The following BCL11B variants were observed in gnomAD, a reference collection of about 807,000 sequenced individuals.
BCL11B encodes the protein B-cell lymphoma/leukemia 11B.
BCL11B carries 8 observed loss-of-function variants against 49.9 expected under a neutral mutation model. That is an observed-to-expected ratio of 0.16 (90% CI 0.09 to 0.29). BCL11B has a LOEUF of 0.29. BCL11B is among the 10% of genes least tolerant of loss of function. BCL11B has a pLI of 1.00. For synonymous variants in BCL11B, 739 were observed against 637.4 expected (o/e 1.16, Z -2.40); for missense variants, 1,006 against 1,351.0 (o/e 0.74, Z 4.00).
In BCL11B at chr14:99,227,855, C is replaced by T. The variant is rs184399825; in HGVS notation, c.640+3490G>A. 4.7e-4 allele frequency among the ~76,000 whole-genome samples: 72 copies of T among 152,188 alleles called. 1 individual carries two copies. In the East Asian group the frequency reaches 4.8e-3, roughly 10 times the overall value. On this transcript the variant is annotated intron_variant, in intron 3 of 3. Transcript: ENST00000357195. ...GGGAAGAAATTTCAGTTCCCAGGAA[C>T]GCCTAGACTCAAAGCCCCACCTTCC...
In BCL11B at chr14:99,179,113, G is replaced by A. The variant is rs191378749; in HGVS notation, c.641-2918C>T. 2.8e-3 allele frequency among the ~76,000 whole-genome samples: 434 copies of A among 152,354 alleles called. 2 individuals carry two copies. The highest frequency in any genetic ancestry group is 9.2e-3 in the African/African-American group (381 of 41,572). Reference sequence around the variant, plus strand: ...ACAGGTTTTTCAACTCAAAAGGGCAGTTACTGGAAGTCAGGTAGCTACAAG... The same window carrying A: ...ACAGGTTTTTCAACTCAAAAGGGCAATTACTGGAAGTCAGGTAGCTACAAG... On this transcript the variant is annotated intron_variant, in intron 3 of 3. Coordinates refer to ENST00000357195, the MANE Select transcript of BCL11B (RefSeq NM_138576.4).
At chr14:99,256,746 T>TA (rs1864039316) in intron 2 of BCL11B, among the ~76,000 whole-genome samples, 1 of 152,072 alleles carries the variant, frequency 6.6e-6, no homozygotes, top group Admixed American at 6.5e-5. Flanking sequence ...CTCAAGGTGG[T>TA]AAAACCAGCT....
At chr14:99,255,689 G>A (rs568540939) in intron 2 of BCL11B, among the ~76,000 whole-genome samples, 5 of 152,302 alleles carry the variant, frequency 3.3e-5, no homozygotes, top group Admixed American at 3.3e-4. Context: ...GATGTGCACT[G>A]AGGCCAGGCG....
At chr14:99,263,567 G>A (rs1889398916) in intron 1 of BCL11B, among the ~76,000 whole-genome samples, 2 of 152,220 alleles carry the variant, frequency 1.3e-5, no homozygotes, top group Non-Finnish European at 2.9e-5. Context: ...CGGGAAAGTC[G>A]AATGTTTGGG....
chr14:99,260,831 T>C lies in BCL11B; in HGVS notation c.59-2992A>G, dbSNP rs1889314411. Among the ~76,000 whole-genome samples, 6 of 152,052 alleles carry C rather than the reference T, an allele frequency of 3.9e-5. No homozygotes were observed. The South Asian group carries it at 1.2e-3, about 32-fold the overall frequency. ...GTCAAGTCCTAACAGCCAACCAACC[T>C]GGGAGCCAGGCCCTGTTGGCGTCCC... On this transcript the variant is annotated intron_variant, in intron 1 of 3. Coordinates refer to ENST00000357195, the MANE Select transcript of BCL11B (RefSeq NM_138576.4).
intron 3 of BCL11B, among the ~76,000 whole-genome samples, chr14:99,223,133 G>A (rs1245560161): frequency 6.6e-6 from 1 of 152,158 alleles, no homozygotes; most frequent in Non-Finnish European, 1.5e-5. Flanking sequence ...ACTATCAATG[G>A]GAGTTAGAAG....
intron 3 of BCL11B, among the ~76,000 whole-genome samples, chr14:99,197,989 C>T (rs1887227080): frequency 2.0e-5 from 3 of 152,332 alleles, no homozygotes; most frequent in Admixed American, 2.0e-4. Context: ...GGAAGCTATC[C>T]ATCACAGCTG....
At chr14:99,190,217 G>A (rs1886981368) in intron 3 of BCL11B, among the ~76,000 whole-genome samples, 1 of 97,314 alleles carries the variant, frequency 1.0e-5, no homozygotes, top group Admixed American at 9.3e-5. Context: ...GGCCAGGCGC[G>A]GTGGCTCACG....
intron 2 of BCL11B, among the ~76,000 whole-genome samples, chr14:99,255,646 G>A (rs963606136): frequency 2.6e-5 from 4 of 152,150 alleles, no homozygotes; most frequent in East Asian, 3.9e-4. Flanking sequence ...TAGGCGGCCC[G>A]AGTCTCCCTA....
rs2139752516 is a variant in BCL11B at position 99,174,229 on chromosome 14, C to T, written c.2607G>A (p.Leu869=). ...CQMPFSVYST[L]EKHMKKWHGE... The stretch of plus-strand genomic sequence containing the variant: ...CGTGCCACTTTTTCATGTGTTTCTC[C>T]AGGGTGCTGTAGACGCTGAAGGGCA... Residue 869 remains leucine, a synonymous_variant, in exon 4 of 4, where the codon CTG becomes CTA. Transcript: ENST00000357195. 6.2e-7 allele frequency: 1 copy of T among 1,613,920 alleles called. No individual in the cohort carries two copies. Among genetic ancestry groups the T allele is most frequent in the Non-Finnish European group, 8.5e-7 (1 of 1,180,020 alleles).
rs1889703879 is a variant in BCL11B, at chr14:99,271,989, T to G, written c.-771A>C. ...AGGAGAGGCTCCTTCCCAGTTCACC[T>G]GGCAGGCTGGCGCCGGCCGGAGGGG... On this transcript the variant is annotated 5_prime_UTR_variant, in exon 1 of 4. Transcript: ENST00000357195. Among the ~76,000 whole-genome samples the G allele has an allele frequency of 6.6e-6, 1 of 151,948 alleles. No individual in the cohort carries two copies. The highest frequency in any genetic ancestry group is 1.5e-5 in the Non-Finnish European group (1 of 67,978).
At position 99,257,637 on chromosome 14, in the gene BCL11B, G is replaced by A; in HGVS notation, c.261C>T (p.Ala87=). 1 of 1,613,508 alleles carries A rather than the reference G, an allele frequency of 6.2e-7. No homozygotes were observed. ...KRKQCGGSLG[A]CYDKALDKDS... is the part of the protein sequence containing the mutation. The stretch of plus-strand genomic sequence containing the variant: ...CCTTGTCCAGGGCCTTGTCATAGCA[G>A]GCACCCAAGCTGCCGCCACACTGCT... The change falls in exon 2 of 4, where the codon GCC becomes GCT. Residue 87 remains alanine, a synonymous_variant. Coordinates refer to ENST00000357195, the MANE Select transcript of BCL11B (RefSeq NM_138576.4). The surrounding 1 kb of genome is among the most constrained non-coding windows in gnomAD (Gnocchi z 6.2).
In BCL11B at chr14:99,174,953, G is replaced by A. The variant is rs770369592; in HGVS notation, c.1883C>T (p.Ala628Val). 1.8e-5 allele frequency: 27 copies of A among 1,487,890 alleles called. No individual in the cohort carries two copies. Among genetic ancestry groups the A allele is most frequent in the Middle Eastern group, 2.1e-4 (1 of 4,704 alleles). The allele number at this position is 1,487,890 out of a possible 1,614,324, so 92.2% of individuals were successfully genotyped here. The change falls in exon 4 of 4, where the codon GCG becomes GTG. Residue 628 changes from alanine to valine, a missense_variant. Around this residue, in one of 6 missense-constraint regions of BCL11B, gnomAD observed 443 missense variants for 499.7 expected, o/e 0.89. Coordinates refer to ENST00000357195, the MANE Select transcript of BCL11B (RefSeq NM_138576.4). ...QKRGAFLKRA[A>V]GGGDAGDDDD... ...GTCGTCGCCCGCGTCCCCGCCGCCC[G>A]CCGCACGCTTCAGGAAGGCGCCGCG...
intron 3 of BCL11B, among the ~76,000 whole-genome samples, chr14:99,214,172 C>T (rs1035074207): frequency 1.3e-5 from 2 of 152,168 alleles, no homozygotes; most frequent in African/African-American, 4.8e-5. Flanking sequence ...AGCTTCAATT[C>T]CCACAAAGAC....
At position 99,205,507 on chromosome 14, in the gene BCL11B, G is replaced by A. The variant is rs1171964316; in HGVS notation, c.640+25838C>T. Among the ~76,000 whole-genome samples, 1 of 152,170 alleles carries A rather than the reference G, an allele frequency of 6.6e-6. No individual in the cohort carries two copies. The highest frequency in any genetic ancestry group is 1.5e-5 in the Non-Finnish European group (1 of 68,032). Reference sequence around the variant, plus strand: ...TACACCAGCATGCCAGGAAAGGGGAGGAGCGACGTGAGGACCTCCTGTGTC... The same window carrying A: ...TACACCAGCATGCCAGGAAAGGGGAAGAGCGACGTGAGGACCTCCTGTGTC... On this transcript the variant is annotated intron_variant, in intron 3 of 3. Transcript: ENST00000357195. This position sits in a 1 kb window ranked among gnomAD's most constrained non-coding sequence, Gnocchi z 5.0.
rs1406953596 is a variant in BCL11B at position 99,174,111 on chromosome 14, G to A, written c.*40C>T. ...GGTCAGCATTCTCTCGGTTGGCAAC[G>A]GTTCCACTGTACAGGTGCGGGGCGC... On this transcript the variant is annotated 3_prime_UTR_variant, in exon 4 of 4. Transcript: ENST00000357195. 1.9e-6 allele frequency: 3 copies of A among 1,587,442 alleles called. No individual in the cohort carries two copies. The highest frequency in any genetic ancestry group is 1.7e-5 in the Admixed American group (1 of 59,376).
intron 3 of BCL11B, among the ~76,000 whole-genome samples, chr14:99,180,361 C>A (rs745535094): frequency 5.9e-5 from 9 of 152,316 alleles, no homozygotes; most frequent in Admixed American, 2.0e-4. Context: ...TCTTTCCATC[C>A]TTCTTCCTTT....
chr14:99,242,479 T>A lies in BCL11B; in HGVS notation c.428-10922A>T, dbSNP rs1888700214. On this transcript the variant is annotated intron_variant, in intron 2 of 3. Transcript: ENST00000357195. This position sits in a 1 kb window ranked among gnomAD's most constrained non-coding sequence, Gnocchi z 4.4. ...CAATTAAGAAGCACCAGACAGCTCC[T>A]GGCTCCAAGCCTGCACCATCGCAGA... Among the ~76,000 whole-genome samples, 1 of 152,172 alleles carries A rather than the reference T, an allele frequency of 6.6e-6. No homozygotes were observed. Among genetic ancestry groups the A allele is most frequent in the Non-Finnish European group, 1.5e-5 (1 of 68,026 alleles).
chr14:99,187,799 A>T (rs1886900137), intron 3 of BCL11B, among the ~76,000 whole-genome samples: 1 of 71,640 alleles, frequency 1.4e-5, no homozygotes, highest in South Asian at 5.5e-4. Context: ...CCTCCTGGAG[A>T]CAGGAAGTCT....
Sources: gnomAD v4.1 joint callset for allele counts (sites outside exome capture counted in the v4.1 genomes callset) on GRCh38, gnomAD v4.1.1 for gene constraint, gnomAD v4.1.1 regional missense constraint, Gnocchi (gnomAD v3.1) non-coding constraint, MANE v1.5 for transcripts, NCBI Gene and HGNC (gene_info 2026-07-23, HGNC 2026-07-21) for gene names.